The following ATP10B variants were observed in gnomAD, a reference collection of about 807,000 sequenced individuals.
ATP10B encodes the protein phospholipid-transporting ATPase VB.
In ATP10B, 122 loss-of-function variants were observed where a neutral mutation model predicts 141.2. That is an observed-to-expected ratio of 0.86 (90% confidence interval 0.75 to 1.00). The LOEUF (loss-of-function observed/expected upper bound fraction) is 1.00, where lower values mean the gene tolerates loss of function less well. ATP10B is among the 50% of genes least tolerant of loss of function. ATP10B has a pLI of 0.00. For synonymous variants in ATP10B, 685 were observed against 692.0 expected (o/e 0.99, Z 0.16); for missense variants, 1,876 against 1,825.3 (o/e 1.03, Z -0.51).
At chr5:160,645,318 G>T (rs866717592) in intron 8 of ATP10B, among the ~76,000 whole-genome samples, 3 of 152,192 alleles carry the variant, frequency 2.0e-5, no homozygotes, top group Admixed American at 6.5e-5. Context: ...ACTGCAGAAG[G>T]TGAACTTCCA....
At chr5:160,704,914 C>CATCTTTTTTTTTTTTTTTTTTTTTTTTT (rs1764895267) in intron 3 of ATP10B, among the ~76,000 whole-genome samples, 3 of 83,624 alleles carry the variant, frequency 3.6e-5, no homozygotes, top group Non-Finnish European at 6.0e-5. Context: ...TTTCTTTCAT[C>CATCTTTTTTTTTTTTTTTTTTTTTTTTT]TTTTTTTTTT....
At chr5:160,606,209 A>G (rs1161528266) in intron 19 of ATP10B, among the ~76,000 whole-genome samples, 2 of 152,220 alleles carry the variant, frequency 1.3e-5, no homozygotes, top group Non-Finnish European at 2.9e-5. Flanking sequence ...CTGTCCCAAC[A>G]TGATTAAAGT....
Position 160,675,887 on chromosome 5 carries a change from G to A in ATP10B, c.471-5220C>T, listed in dbSNP as rs575060778. On this transcript the variant is annotated intron_variant, in intron 6 of 25. Coordinates refer to ENST00000327245, the MANE Select transcript of ATP10B (RefSeq NM_025153.3). ...AGCAGGGGGGTGGGGGAGGGGGGGC[G>A]ACCAGGACCCCTGGCTGGGCTGGAA... Among the ~76,000 whole-genome samples the A allele has an allele frequency of 1.7e-4, 26 of 152,012 alleles. No homozygotes were observed. In the South Asian group the frequency reaches 5.0e-3, roughly 29 times the overall value.
At chr5:160,739,656 C>T (rs541803583) in intron 2 of ATP10B, among the ~76,000 whole-genome samples, 14 of 152,136 alleles carry the variant, frequency 9.2e-5, no homozygotes, top group Admixed American at 7.9e-4. Flanking sequence ...AGAGACCGTG[C>T]CCTGGAGGGA....
chr5:160,814,204 G>A (rs557673591), intron 1 of ATP10B, among the ~76,000 whole-genome samples: 1 of 151,994 alleles, frequency 6.6e-6, no homozygotes, highest in South Asian at 2.1e-4. Context: ...GAGGAAGTTC[G>A]AACCCATGGC....
intron 3 of ATP10B, among the ~76,000 whole-genome samples, chr5:160,707,010 G>T (rs562205596): frequency 5.0e-4 from 76 of 152,126 alleles, no homozygotes; most frequent in African/African-American, 1.8e-3. Context: ...GAGTGCAGTG[G>T]CTCTGAGTCA....
At chr5:160,739,672 G>A (rs949665905) in intron 2 of ATP10B, among the ~76,000 whole-genome samples, 1 of 152,166 alleles carries the variant, frequency 6.6e-6, no homozygotes, top group Non-Finnish European at 1.5e-5. Flanking sequence ...AGGGAACATA[G>A]GTGAGAGATA....
intron 18 of ATP10B, among the ~76,000 whole-genome samples, chr5:160,608,023 C>T (rs1469671121): frequency 1.3e-5 from 2 of 152,186 alleles, no homozygotes; most frequent in African/African-American, 2.4e-5. Context: ...TGGTTGGCTA[C>T]ACCCATTAAC....
chr5:160,752,017 G>A (rs1336931059), intron 2 of ATP10B, among the ~76,000 whole-genome samples: 1 of 152,098 alleles, frequency 6.6e-6, no homozygotes, highest in African/African-American at 2.4e-5. Context: ...GTTAAAGACG[G>A]CTGCGGCTGC....
chr5:160,821,709 C>G (rs1251378831), intron 1 of ATP10B, among the ~76,000 whole-genome samples: 2 of 151,932 alleles, frequency 1.3e-5, no homozygotes, highest in Admixed American at 6.6e-5. Flanking sequence ...ATCCGTACAT[C>G]TATAGTGAAC....
chr5:160,872,647 T>C, the ATP10B span, among the ~76,000 whole-genome samples: 1 of 152,190 alleles, frequency 6.6e-6, no homozygotes, highest in East Asian at 1.9e-4. Context: ...TTCCTCATTT[T>C]ATGTTTTTGT....
At chr5:160,797,987 T>C (rs377697354) in intron 1 of ATP10B, among the ~76,000 whole-genome samples, 12 of 140,982 alleles carry the variant, frequency 8.5e-5, no homozygotes, top group Non-Finnish European at 1.6e-5. Flanking sequence ...AGTGTGGAAA[T>C]GGAGAAGAGA....
At chr5:160,751,647 A>G (rs1768155968) in intron 2 of ATP10B, among the ~76,000 whole-genome samples, 1 of 152,162 alleles carries the variant, frequency 6.6e-6, no homozygotes, top group African/African-American at 2.4e-5. Flanking sequence ...GCTGGTCAGA[A>G]TGATCCATCA....
intron 24 of ATP10B, 33 bp from the exon 25 acceptor site, chr5:160,569,716 G>T (rs773019012): frequency 1.2e-5 from 18 of 1,473,904 alleles, no homozygotes; most frequent in Non-Finnish European, 1.5e-5. Context: ...ACTGTTGAAG[G>T]TATAGCTGAG....
intron 17 of ATP10B, among the ~76,000 whole-genome samples, 164 bp from the exon 18 acceptor site, chr5:160,613,089 C>T (rs1757810588): frequency 6.6e-6 from 1 of 151,794 alleles, no homozygotes; most frequent in South Asian, 2.1e-4. Flanking sequence ...GTCTCTACCT[C>T]TGAGTTCAAT....
At chr5:160,884,263 C>A in the ATP10B span, among the ~76,000 whole-genome samples, 1 of 151,890 alleles carries the variant, frequency 6.6e-6, no homozygotes, top group Admixed American at 6.6e-5. Flanking sequence ...TGAAATAAAC[C>A]CAATGTGTGT....
upstream of ATP10B, among the ~76,000 whole-genome samples, chr5:160,854,546 C>A (rs1318472508): frequency 6.6e-6 from 1 of 152,108 alleles, no homozygotes; most frequent in Non-Finnish European, 1.5e-5. Context: ...TGTGTATGTG[C>A]TACATTTTCT....
chr5:160,873,622 C>T, the ATP10B span, among the ~76,000 whole-genome samples: 1 of 152,266 alleles, frequency 6.6e-6, no homozygotes, highest in East Asian at 1.9e-4. Context: ...ATCTGAGGTA[C>T]CGGGTTCATC....
the ATP10B span, among the ~76,000 whole-genome samples, chr5:160,880,086 A>G: frequency 6.7e-6 from 1 of 150,092 alleles, no homozygotes; most frequent in African/African-American, 2.4e-5. Flanking sequence ...AGAATATATC[A>G]TCTATGTGAG....
Sources: allele counts gnomAD v4.1 joint callset (sites outside exome capture counted in the v4.1 genomes callset), GRCh38; gene constraint gnomAD v4.1.1; transcripts MANE v1.5; gene names NCBI Gene and HGNC (gene_info 2026-07-23, HGNC 2026-07-21).